WDR48: variants seen among roughly 807,000 people sequenced by gnomAD.
WDR48 encodes the protein WD repeat-containing protein 48.
Under a neutral mutation model 94.0 loss-of-function variants are expected in WDR48, and 22 were observed. That is an observed-to-expected ratio of 0.23 (90% CI 0.17 to 0.33). The LOEUF (loss-of-function observed/expected upper bound fraction) is 0.33. Ranked by LOEUF, WDR48 falls within the 10% of genes least tolerant of loss-of-function variation. The pLI, the probability that WDR48 is intolerant of heterozygous loss-of-function variation, is 1.00. For synonymous variants in WDR48, 278 were observed against 280.5 expected (o/e 0.99, Z 0.09); for missense variants, 541 against 813.8 (o/e 0.66, Z 4.08).
At chr3:39,064,307 T>A (rs2033461911) in intron 2 of WDR48, among the ~76,000 whole-genome samples, 1 of 150,444 alleles carries the variant, frequency 6.6e-6, no homozygotes, top group South Asian at 2.1e-4. Flanking sequence ...GGAGTCTCGC[T>A]CTGTCACCCA....
intron 7 of WDR48, among the ~76,000 whole-genome samples, chr3:39,074,003 G>A (rs7630022): frequency 0.38 from 57,304 of 152,146 alleles, 16,171 homozygotes; most frequent in African/African-American, 0.8. Flanking sequence ...TAAAGCACCA[G>A]TTGCTGGGTT....
At chr3:39,075,181 T>C (rs913748125) in intron 8 of WDR48, among the ~76,000 whole-genome samples, 7 of 143,796 alleles carry the variant, frequency 4.9e-5, no homozygotes, top group Non-Finnish European at 1.0e-4. Flanking sequence ...GGGGCACTTT[T>C]GTGTTTTGCT....
intron 1 of WDR48, chr3:39,052,459 CA>C (rs1559589814): frequency 5.1e-6 from 1 of 196,760 alleles, no homozygotes; most frequent in African/African-American, 2.4e-5. Context: ...AGGGGTTTCC[CA>C]GGGGGGTGGG....
At chr3:39,071,998 G>A (rs535483046) in intron 7 of WDR48, among the ~76,000 whole-genome samples, 5 of 152,292 alleles carry the variant, frequency 3.3e-5, no homozygotes, top group Admixed American at 6.5e-5. Flanking sequence ...ATCAGTTACT[G>A]GGCCAAAGTT....
intron 1 of WDR48, among the ~76,000 whole-genome samples, chr3:39,062,403 A>G (rs1441384104): frequency 5.3e-5 from 8 of 152,256 alleles, no homozygotes; most frequent in African/African-American, 1.9e-4. Context: ...GAGGTCACCA[A>G]CAGTAACAAA....
At chr3:39,057,706 T>G (rs1274842942) in intron 1 of WDR48, among the ~76,000 whole-genome samples, 2 of 152,208 alleles carry the variant, frequency 1.3e-5, no homozygotes, top group African/African-American at 4.8e-5. Flanking sequence ...CACTGCAACC[T>G]CTGCTTCCTG....
At chr3:39,092,293 A>G (rs1026181841) in intron 17 of WDR48, among the ~76,000 whole-genome samples, 3 of 152,218 alleles carry the variant, frequency 2.0e-5, no homozygotes, top group African/African-American at 7.2e-5. Flanking sequence ...AGTGAGAGAA[A>G]TAAATGAGCT....
chr3:39,084,801 G>T, intron 13 of WDR48, 60 bp downstream of exon 13: 4 of 1,438,132 alleles, frequency 2.8e-6, no homozygotes, highest in Non-Finnish European at 3.9e-6. Context: ...AATATGAGCT[G>T]TTTTTTGCTA....
intron 11 of WDR48, among the ~76,000 whole-genome samples, chr3:39,082,041 C>T (rs984518513): frequency 6.6e-6 from 1 of 152,178 alleles, no homozygotes; most frequent in Non-Finnish European, 1.5e-5. Flanking sequence ...GCCAAATACT[C>T]GCCAAGTGAT....
intron 11 of WDR48, among the ~76,000 whole-genome samples, chr3:39,083,221 T>A (rs1167188015): frequency 1.3e-5 from 2 of 152,206 alleles, no homozygotes; most frequent in African/African-American, 4.8e-5. Flanking sequence ...TTTGACTGGA[T>A]AATCTTTGAA....
intron 1 of WDR48, among the ~76,000 whole-genome samples, chr3:39,053,136 G>C (rs889563460): frequency 6.6e-6 from 1 of 152,210 alleles, no homozygotes; most frequent in Admixed American, 6.5e-5. Context: ...GCAGTTTGGT[G>C]CATTTATTCA....
At chr3:39,078,909 A>C (rs1021431910) in intron 10 of WDR48, among the ~76,000 whole-genome samples, 26 of 151,132 alleles carry the variant, frequency 1.7e-4, no homozygotes, top group African/African-American at 5.3e-4. Context: ...GGGCACCTGT[A>C]GTCCCAGCTA....
chr3:39,079,918 A>G, intron 11 of WDR48, 110 bp downstream of exon 11: 1 of 551,888 alleles, frequency 1.8e-6, no homozygotes, highest in Non-Finnish European at 3.0e-6. Context: ...TTGCAGTAAT[A>G]CTTTATGGGG....
intron 7 of WDR48, among the ~76,000 whole-genome samples, chr3:39,069,987 T>C (rs2033837922): frequency 6.6e-6 from 1 of 152,234 alleles, no homozygotes; most frequent in African/African-American, 2.4e-5. Context: ...TATGCATTTA[T>C]GGTGCATAGG....
At chr3:39,076,782 A>G (rs1452469798) in intron 8 of WDR48, among the ~76,000 whole-genome samples, 1 of 152,212 alleles carries the variant, frequency 6.6e-6, no homozygotes, top group Non-Finnish European at 1.5e-5. Flanking sequence ...GTAAAAAGAA[A>G]TTTATTTCCT....
At chr3:39,072,103 T>C (rs2125656513) in intron 7 of WDR48, among the ~76,000 whole-genome samples, 1 of 152,332 alleles carries the variant, frequency 6.6e-6, no homozygotes, top group African/African-American at 2.4e-5. Context: ...ACATATCTTA[T>C]AGGCCAATGA....
intron 5 of WDR48, among the ~76,000 whole-genome samples, chr3:39,068,035 T>A (rs982295570): frequency 6.6e-6 from 1 of 151,810 alleles, no homozygotes; most frequent in Non-Finnish European, 1.5e-5. Flanking sequence ...CCAGGCTTAG[T>A]GGATACAGAT....
chr3:39,072,025 A>G (rs1575411146), intron 7 of WDR48, among the ~76,000 whole-genome samples: 3 of 152,238 alleles, frequency 2.0e-5, no homozygotes, highest in South Asian at 2.1e-4. Flanking sequence ...GCATCCTGCT[A>G]AATTGCCCTG....
chr3:39,089,190 G>A, intron 15 of WDR48, 41 bp from the exon 16 acceptor site: 1 of 1,577,784 alleles, frequency 6.3e-7, no homozygotes, highest in Non-Finnish European at 8.7e-7. Context: ...TTTGACATCT[G>A]TGCTTGTTGG....
Sources: allele counts gnomAD v4.1 joint callset (sites outside exome capture counted in the v4.1 genomes callset), GRCh38; gene constraint gnomAD v4.1.1; transcripts MANE v1.5; gene names NCBI Gene and HGNC (gene_info 2026-07-23, HGNC 2026-07-21).